TFRC: variants seen among roughly 807,000 people sequenced by gnomAD.
The protein encoded by TFRC is transferrin receptor.
A neutral mutation model predicts 85.8 loss-of-function variants in TFRC; 35 were observed. The observed-to-expected ratio is 0.41, with a 90% CI of 0.31 to 0.54. TFRC has a LOEUF of 0.54. Ranked by LOEUF, TFRC falls within the 20% of genes least tolerant of loss-of-function variation. The probability of loss-of-function intolerance (pLI) is 0.31; values close to 1 mark genes in which losing one functional copy is unlikely to be tolerated. For synonymous variants in TFRC, 362 were observed against 328.6 expected, an observed-to-expected ratio of 1.10 and a Z score of -1.10; for missense variants, 828 against 921.5, an observed-to-expected ratio of 0.90 and a Z score of 1.31.
Position 196,050,162 on chromosome 3 carries a change from G to C in TFRC, c.*1780C>G, listed in dbSNP as rs1000313363. 7 of 229,238 alleles carry C rather than the reference G, an allele frequency of 3.1e-5. No individual in the cohort carries two copies. The highest frequency in any genetic ancestry group is 1.7e-5 in the Non-Finnish European group (2 of 115,648). The allele number at this position is 229,238 out of a possible 1,614,324, so 14.2% of individuals were successfully genotyped here. ...AAAACTTGTCCGCACTAAGTTTATA[G>C]GAGGTAACATGCAAATAATGTGATA... On this transcript the variant is annotated 3_prime_UTR_variant, in exon 19 of 19. Coordinates refer to ENST00000360110, the MANE Select transcript of TFRC (RefSeq NM_001128148.3).
At chr3:196,072,307 C>CA (rs902118327) in intron 4 of TFRC, among the ~76,000 whole-genome samples, 155 bp from the exon 5 acceptor site, 2 of 152,088 alleles carry the variant, frequency 1.3e-5, no homozygotes, top group African/African-American at 4.8e-5. Flanking sequence ...ACCAGAATAT[C>CA]ACAAAAGAAA....
intron 10 of TFRC, 54 bp from the exon 11 acceptor site, chr3:196,064,482 T>C: frequency 1.3e-6 from 2 of 1,513,220 alleles, no homozygotes; most frequent in Non-Finnish European, 1.8e-6. Flanking sequence ...CTTCTAAACT[T>C]TTCTAGAATT....
In TFRC at chr3:196,068,942, A is replaced by AG. The variant is rs1280103025; in HGVS notation, c.801+512_801+513insC. ...GACTCCGTCTCAAAAAAAAAAAAAAAAAAGAAAAGAAAAATAACAAAAACC... is the reference window on the plus strand; with the variant it reads ...GACTCCGTCTCAAAAAAAAAAAAAAAGAAAGAAAAGAAAAATAACAAAAACC... On this transcript the variant is annotated intron_variant, in intron 7 of 18. Transcript: ENST00000360110. Among the ~76,000 whole-genome samples, 276 of 151,530 alleles carry AG rather than the reference A, an allele frequency of 1.8e-3. 2 individuals are homozygous for AG. The highest frequency in any genetic ancestry group is 6.5e-3 in the African/African-American group (267 of 41,356).
At chr3:196,064,249 T>A (rs1717522907) in intron 11 of TFRC, 60 bp downstream of exon 11, 9 of 1,513,466 alleles carry the variant, frequency 5.9e-6, no homozygotes, top group Non-Finnish European at 8.0e-6. Context: ...AAGCACAGTA[T>A]AACATCTAGA....
intron 6 of TFRC, 106 bp downstream of exon 6, chr3:196,071,290 G>C (rs549442786): frequency 1.5e-4 from 166 of 1,084,790 alleles, no homozygotes; most frequent in Non-Finnish European, 2.1e-4. Flanking sequence ...AATATCTCAT[G>C]ATCATTTACA....
At position 196,062,844 on chromosome 3, in the gene TFRC, T is replaced by G; in HGVS notation, c.1404+10A>C. ...TCGTGTCCAATATGGGAAGGGATGA[T>G]AAAGAATACCTCTAGCCATTCAGTG... On this transcript the variant is annotated intron_variant, in intron 12 of 18. Coordinates refer to ENST00000360110, the MANE Select transcript of TFRC (RefSeq NM_001128148.3). The G allele has an allele frequency of 6.2e-7, 1 of 1,613,428 alleles. No individual in the cohort carries two copies. The highest frequency in any genetic ancestry group is 8.5e-7 in the Non-Finnish European group (1 of 1,179,432).
chr3:196,050,977 A>C lies in TFRC; in HGVS notation c.*965T>G, dbSNP rs898630838. 1 of 202,642 alleles carries C rather than the reference A, an allele frequency of 4.9e-6. No homozygotes were observed. The highest frequency in any genetic ancestry group is 1.0e-5 in the Non-Finnish European group (1 of 98,504). The allele number at this position is 202,642 out of a possible 1,614,324, so 12.6% of individuals were successfully genotyped here. On this transcript the variant is annotated 3_prime_UTR_variant, in exon 19 of 19. Transcript: ENST00000360110. ...AAAAAAAACCGACAGTATAACTGTC[A>C]TAATTATGGAAGGCACTGCTTCCGA...
At chr3:196,053,607 CT>C (rs1716528168) in intron 17 of TFRC, 49 bp from the exon 18 acceptor site, 2 of 1,602,828 alleles carry the variant, frequency 1.2e-6, no homozygotes, top group Non-Finnish European at 1.7e-6. Context: ...TAAGGACATT[CT>C]TTTGTATGCC....
At position 196,069,506 on chromosome 3, in the gene TFRC, C is replaced by T; in HGVS notation, c.750G>A (p.Val250=). Reference sequence around the variant, plus strand: ...CTCTGACAATCACTATAGATCCATTCACAGGAGTGTATAAATCCTCAAAAT... The same window carrying T: ...CTCTGACAATCACTATAGATCCATTTACAGGAGTGTATAAATCCTCAAAAT... ...KKDFEDLYTP[V]NGSIVIVRAG... is the part of the protein sequence containing the mutation. The change falls in exon 7 of 19, where the codon GTG becomes GTA. Residue 250 remains valine, a synonymous_variant. Coordinates refer to ENST00000360110, the MANE Select transcript of TFRC (RefSeq NM_001128148.3). The T allele has an allele frequency of 6.2e-7, 1 of 1,613,686 alleles. No homozygotes were observed. The highest frequency in any genetic ancestry group is 8.5e-7 in the Non-Finnish European group (1 of 1,179,782).
chr3:196,067,558 C>G lies in TFRC; in HGVS notation c.1000G>C (p.Val334Leu), dbSNP rs1717835698. 1 of 1,614,024 alleles carries G rather than the reference C, an allele frequency of 6.2e-7. No homozygotes were observed. The highest frequency in any genetic ancestry group is 1.3e-5 in the African/African-American group (1 of 75,006). ...GCAGCAGCTCTGGAGATTGTCTGGACAGGTATATTAGGCAATCCTGATGAC... is the reference window on the plus strand; with the variant it reads ...GCAGCAGCTCTGGAGATTGTCTGGAGAGGTATATTAGGCAATCCTGATGAC... ...SRSSGLPNIPVQTISRAAAEK... is the reference protein window; with the variant it reads ...SRSSGLPNIPLQTISRAAAEK... Residue 334 changes from valine to leucine, a missense_variant, in exon 9 of 19, where the codon GTC becomes CTC. Val to Leu is a conservative substitution (Grantham distance 32). Transcript: ENST00000360110.
Position 196,052,128 on chromosome 3 carries a change from A to G in TFRC, c.2097T>C (p.His699=). 6.2e-7 allele frequency: 1 copy of G among 1,614,096 alleles called. No individual in the cohort carries two copies. Among genetic ancestry groups the G allele is most frequent in the South Asian group, 1.1e-5 (1 of 91,082 alleles). The part of the protein sequence containing the change: ...YVSPKESPFR[H]VFWGSGSHTL... ...TGTGAGAGCCGGAGCCCCAGAAGAC[A>G]TGTCGGAAAGGAGACTCTTTTGGAG... Residue 699 remains histidine, a synonymous_variant, in exon 19 of 19, where the codon CAT becomes CAC. Transcript: ENST00000360110.
intron 15 of TFRC, 25 bp from the exon 16 acceptor site, chr3:196,058,390 T>C (rs889967491): frequency 1.2e-6 from 2 of 1,605,664 alleles, no homozygotes; most frequent in South Asian, 1.1e-5. Context: ...AATGTGTCTT[T>C]AGAAAGTGTT....
At chr3:196,062,749 G>T in intron 12 of TFRC, 104 bp from the exon 13 acceptor site, 1 of 1,544,500 alleles carries the variant, frequency 6.5e-7, no homozygotes, top group Non-Finnish European at 8.9e-7. Context: ...GAGACTAAAC[G>T]CAAAGGCAAA....
chr3:196,067,245 T>C (rs1490584726), intron 9 of TFRC, among the ~76,000 whole-genome samples: 4 of 152,368 alleles, frequency 2.6e-5, no homozygotes, highest in Middle Eastern at 3.4e-3. Context: ...ACAGAAGTAC[T>C]TGAGCAGAAG....
At position 196,051,134 on chromosome 3, in the gene TFRC, A is replaced by G. The variant is rs1438310379; in HGVS notation, c.*808T>C. 4 of 215,950 alleles carry G rather than the reference A, an allele frequency of 1.9e-5. No individual in the cohort carries two copies. 13.4% of individuals were successfully genotyped at this position (215,950 alleles called of 1,614,324 possible). ...AACACTTTGGCCAAAATTTGGCAGC[A>G]TATTATTCTTTAAAGTCTGACAAAC... is the stretch of plus-strand genomic sequence containing the variant. On this transcript the variant is annotated 3_prime_UTR_variant, in exon 19 of 19. Transcript: ENST00000360110.
rs1718453933 is a variant in TFRC, at chr3:196,074,073, C to T, written c.291G>A (p.Glu97=). The T allele has an allele frequency of 2.5e-6, 4 of 1,614,156 alleles. No homozygotes were observed. Among genetic ancestry groups the T allele is most frequent in the Non-Finnish European group, 3.4e-6 (4 of 1,180,030 alleles). ...GYCKGVEPKT[E]CERLAGTESP... ...ACTCGGTTCCTGCCAGTCTCTCACA[C>T]TCAGTTTTTGGTTCTACCCCTTTAC... Residue 97 remains glutamate, a synonymous_variant, in exon 4 of 19, where the codon GAG becomes GAA. Transcript: ENST00000360110.
At chr3:196,053,939 CA>C (rs1716556629) in intron 17 of TFRC, among the ~76,000 whole-genome samples, 1 of 152,074 alleles carries the variant, frequency 6.6e-6, no homozygotes, top group Non-Finnish European at 1.5e-5. Context: ...CAATTAGTTT[CA>C]AGAAAGACAT....
chr3:196,052,226 CT>C, intron 18 of TFRC, 42 bp from the exon 19 acceptor site: 2 of 1,568,136 alleles, frequency 1.3e-6, no homozygotes, highest in Non-Finnish European at 8.7e-7. Context: ...AGCCCTGTGA[CT>C]TTTGTAGTAA....
chr3:196,064,471 G>A (rs1717551051), intron 10 of TFRC, 43 bp from the exon 11 acceptor site: 3 of 1,537,128 alleles, frequency 2.0e-6, no homozygotes, highest in Non-Finnish European at 2.6e-6. Context: ...TATATAATCA[G>A]CTTCTAAACT....
Sources: allele counts gnomAD v4.1 joint callset (sites outside exome capture counted in the v4.1 genomes callset), GRCh38; gene constraint gnomAD v4.1.1; transcripts MANE v1.5; gene names NCBI Gene and HGNC (gene_info 2026-07-23, HGNC 2026-07-21).